EBF2: variants seen among roughly 807,000 people sequenced by gnomAD.
EBF2 encodes transcription factor COE2.
Under a neutral mutation model 72.8 loss-of-function variants are expected in EBF2, and 21 were observed. That is an observed-to-expected ratio of 0.29 (90% CI 0.20 to 0.42). The LOEUF is 0.42. EBF2 is among the 10% of genes least tolerant of loss of function. The pLI, the probability that EBF2 is intolerant of heterozygous loss-of-function variation, is 1.00. For missense variants in EBF2, 637 were observed against 731.2 expected (o/e 0.87, Z 1.49); for synonymous variants, 299 against 274.2 (o/e 1.09, Z -0.89).
At chr8:26,035,389 A>G (rs1262197471) in intron 5 of EBF2, among the ~76,000 whole-genome samples, 1 of 152,144 alleles carries the variant, frequency 6.6e-6, no homozygotes, top group African/African-American at 2.4e-5. Flanking sequence ...GGCTCAAGCC[A>G]TCTGCCCACA....
chr8:25,946,437 C>G (rs534446084), intron 6 of EBF2, among the ~76,000 whole-genome samples: 2 of 152,310 alleles, frequency 1.3e-5, no homozygotes, highest in South Asian at 4.1e-4. Flanking sequence ...GTACCAAAGA[C>G]CTCCAAGTTT....
intron 5 of EBF2, among the ~76,000 whole-genome samples, chr8:26,036,547 TA>T (rs1278161537): frequency 4.6e-4 from 4 of 8,696 alleles, no homozygotes; most frequent in Non-Finnish European, 8.2e-4. Context: ...AGCAAATTAT[TA>T]TTTTTTTTTT....
intron 6 of EBF2, among the ~76,000 whole-genome samples, chr8:26,027,319 G>C (rs995187618): frequency 6.6e-6 from 1 of 152,080 alleles, no homozygotes; most frequent in African/African-American, 2.4e-5. Context: ...GTTACTTCAT[G>C]AGGCAGAGAA....
intron 11 of EBF2, among the ~76,000 whole-genome samples, chr8:25,862,020 G>A (rs538743447): frequency 1.5e-4 from 23 of 152,226 alleles, no homozygotes; most frequent in Admixed American, 2.6e-4. Flanking sequence ...GATTTTTCCA[G>A]GAGGAAAATA....
intron 10 of EBF2, among the ~76,000 whole-genome samples, chr8:25,878,469 G>A (rs1438275283): frequency 6.6e-6 from 1 of 152,200 alleles, no homozygotes; most frequent in Non-Finnish European, 1.5e-5. Context: ...GGTGCCTGTG[G>A]AAGCCACTGA....
chr8:25,998,428 A>G (rs1019093589), intron 6 of EBF2, among the ~76,000 whole-genome samples: 1 of 152,114 alleles, frequency 6.6e-6, no homozygotes. Flanking sequence ...GGAATGTCCA[A>G]CTCTGAAAGG....
intron 6 of EBF2, among the ~76,000 whole-genome samples, chr8:25,981,117 T>C (rs1379146185): frequency 2.6e-5 from 4 of 152,168 alleles, no homozygotes; most frequent in Non-Finnish European, 5.9e-5. Flanking sequence ...AGCCTCCTTC[T>C]TCACCCTCCC....
intron 6 of EBF2, among the ~76,000 whole-genome samples, chr8:25,910,496 A>G (rs541813650): frequency 6.6e-6 from 1 of 152,260 alleles, no homozygotes; most frequent in South Asian, 2.1e-4. Flanking sequence ...TGTGTGTTAG[A>G]CTACCCCCAC....
At chr8:26,042,720 C>T (rs928992425) in intron 1 of EBF2, among the ~76,000 whole-genome samples, 16 of 152,164 alleles carry the variant, frequency 1.1e-4, no homozygotes, top group Non-Finnish European at 2.1e-4. Context: ...AGAAGCGACC[C>T]TTTTATTTAG....
intron 6 of EBF2, among the ~76,000 whole-genome samples, chr8:25,971,794 A>G (rs967269750): frequency 1.3e-5 from 2 of 151,938 alleles, no homozygotes; most frequent in African/African-American, 4.8e-5. Context: ...CACTGGCTAT[A>G]GCCTGCATCT....
chr8:25,940,000 C>T (rs1365162042), intron 6 of EBF2, among the ~76,000 whole-genome samples: 5 of 152,192 alleles, frequency 3.3e-5, no homozygotes, highest in Non-Finnish European at 5.9e-5. Flanking sequence ...AGAATTTTTG[C>T]ATGACTTAGT....
intron 6 of EBF2, among the ~76,000 whole-genome samples, chr8:25,973,576 TAAAAG>T (rs1287082274): frequency 6.6e-6 from 1 of 152,192 alleles, no homozygotes; most frequent in Admixed American, 6.5e-5. Context: ...AAAGTTAACT[TAAAAG>T]AAAACAAACA....
At chr8:25,992,721 G>A (rs1234182391) in intron 6 of EBF2, among the ~76,000 whole-genome samples, 1 of 151,978 alleles carries the variant, frequency 6.6e-6, no homozygotes, top group East Asian at 1.9e-4. Flanking sequence ...TGGGCAACAT[G>A]GTGAGACTTC....
At position 26,044,764 on chromosome 8, in the gene EBF2, A is replaced by C; in HGVS notation, c.96T>G (p.Asn32Lys). 2.5e-6 allele frequency: 4 copies of C among 1,614,152 alleles called. No homozygotes were observed. The highest frequency in any genetic ancestry group is 3.4e-6 in the Non-Finnish European group (4 of 1,180,028). The change falls in exon 1 of 16, where the codon AAT becomes AAG. Residue 32 changes from asparagine (N) to lysine (K), a missense_variant. Asn to Lys is a moderately conservative substitution (Grantham distance 94). This residue lies in a region of EBF2 where 174 missense variants were observed against 161.9 expected (regional missense o/e 1.07). Transcript: ENST00000520164. The surrounding 1 kb of genome is among the most constrained non-coding windows in gnomAD (Gnocchi z 4.1). ...EMDSVRSWVR[N>K]VGVVDANVAA... is the part of the protein sequence containing the mutation. ...CGACATTAGCGTCCACCACTCCGAC[A>C]TTCCGGACCCAGGACCTGACCGAAT... is the stretch of plus-strand genomic sequence containing the variant.
chr8:25,967,346 T>A (rs972452332), intron 6 of EBF2, among the ~76,000 whole-genome samples: 11 of 152,248 alleles, frequency 7.2e-5, no homozygotes, highest in Non-Finnish European at 1.0e-4. Context: ...TACAATGGGG[T>A]TATATCCCAA....
chr8:25,956,142 G>T (rs970483151), intron 6 of EBF2, among the ~76,000 whole-genome samples: 8 of 152,160 alleles, frequency 5.3e-5, no homozygotes, highest in African/African-American at 1.9e-4. Context: ...TTGCTGGCCG[G>T]GTTCAGTGGC....
intron 5 of EBF2, among the ~76,000 whole-genome samples, chr8:26,033,569 A>G (rs1268356555): frequency 1.3e-5 from 2 of 152,094 alleles, no homozygotes; most frequent in Non-Finnish European, 2.9e-5. Flanking sequence ...TTGGAGGGAA[A>G]CAACACACAC....
chr8:25,908,412 G>A lies in EBF2; in HGVS notation c.633+62C>T, dbSNP rs1563396795. 4 of 1,242,080 alleles carry A rather than the reference G, an allele frequency of 3.2e-6. No individual in the cohort carries two copies. The South Asian group carries it at 5.2e-5, about 16-fold the overall frequency. The allele number at this position is 1,242,080 out of a possible 1,614,324, so 76.9% of individuals were successfully genotyped here. On this transcript the variant is annotated intron_variant, in intron 7 of 15. Transcript: ENST00000520164. ...TTTAAAGAAAAAGAAAATAAAAAGA[G>A]TGAGAAGGAGAGAGAAAACAGGATG...
chr8:25,993,010 C>T (rs984942859), intron 6 of EBF2, among the ~76,000 whole-genome samples: 3 of 152,126 alleles, frequency 2.0e-5, no homozygotes, highest in Non-Finnish European at 4.4e-5. Flanking sequence ...TGAGTTGATC[C>T]ACCACCTTTC....
Sources: allele counts gnomAD v4.1 joint callset (sites outside exome capture counted in the v4.1 genomes callset), GRCh38; gene constraint gnomAD v4.1.1; regional missense constraint gnomAD v4.1.1; non-coding constraint Gnocchi (gnomAD v3.1); transcripts MANE v1.5; gene names NCBI Gene and HGNC (gene_info 2026-07-23, HGNC 2026-07-21).